The following IL1RAPL1 variants were observed in gnomAD, a reference collection of about 807,000 sequenced individuals.
IL1RAPL1 encodes the protein interleukin-1 receptor accessory protein-like 1.
A neutral mutation model predicts 48.4 loss-of-function variants in IL1RAPL1; 3 were observed. That is an observed-to-expected ratio of 0.06 (90% CI 0.03 to 0.16). The LOEUF (loss-of-function observed/expected upper bound fraction) is 0.16, where lower values mean the gene tolerates loss of function less well. IL1RAPL1 is among the 10% of genes least tolerant of loss of function. IL1RAPL1 has a pLI of 1.00. For synonymous variants in IL1RAPL1, 185 were observed against 187.7 expected, an observed-to-expected ratio of 0.99 and a Z score of 0.12; for missense variants, 349 against 530.6, an observed-to-expected ratio of 0.66 and a Z score of 3.36.
At chrX:29,190,356 A>T (rs1220518785) in intron 2 of IL1RAPL1, among the ~76,000 whole-genome samples, 1 of 111,853 alleles carries the variant, frequency 8.9e-6, no homozygotes, top group Non-Finnish European at 1.9e-5. Context: ...ATTAAGTTTC[A>T]TTGGTTGACT....
intron 3 of IL1RAPL1, among the ~76,000 whole-genome samples, chrX:29,341,026 A>G (rs1008497312): frequency 8.9e-6 from 1 of 112,324 alleles, no homozygotes; most frequent in African/African-American, 3.2e-5. Flanking sequence ...GAATATTCAA[A>G]TGTCCACTGA....
intron 8 of IL1RAPL1, among the ~76,000 whole-genome samples, chrX:29,926,039 C>T (rs1471368348): frequency 2.3e-4 from 25 of 108,199 alleles, no homozygotes; most frequent in African/African-American, 6.2e-4. Context: ...GACGGAGTCT[C>T]GCTCTATCGC....
At chrX:29,195,050 C>G in intron 2 of IL1RAPL1, among the ~76,000 whole-genome samples, 1 of 111,509 alleles carries the variant, frequency 9.0e-6, no homozygotes, top group African/African-American at 3.3e-5. Flanking sequence ...GTCCAGAACA[C>G]TTTCAGGGTA....
At chrX:29,234,974 G>T (rs962035236) in intron 2 of IL1RAPL1, among the ~76,000 whole-genome samples, 1 of 112,085 alleles carries the variant, frequency 8.9e-6, no homozygotes, top group Non-Finnish European at 1.9e-5. Context: ...TTATGAAGCT[G>T]GCACCCTTGT....
chrX:28,622,606 AAGC>A (rs1934296832), intron 1 of IL1RAPL1, among the ~76,000 whole-genome samples: 1 of 111,857 alleles, frequency 8.9e-6, no homozygotes, highest in South Asian at 3.7e-4. Flanking sequence ...AAAGTTCTAA[AAGC>A]AGCCATGGAA....
chrX:29,350,553 A>T (rs574681597), intron 3 of IL1RAPL1, among the ~76,000 whole-genome samples: 4 of 105,501 alleles, frequency 3.8e-5, no homozygotes, highest in African/African-American at 1.4e-4. Context: ...TGCATGTTCA[A>T]TTCATTGGTG....
chrX:29,770,018 T>G (rs1187237704), intron 6 of IL1RAPL1, among the ~76,000 whole-genome samples: 1 of 112,210 alleles, frequency 8.9e-6, no homozygotes, highest in Non-Finnish European at 1.9e-5. Flanking sequence ...CATATAGGAA[T>G]TTTTACTTCA....
chrX:29,319,364 A>ATTTTTTTTTTTTTTTTT lies in IL1RAPL1; in HGVS notation c.362+36151_362+36167dup, dbSNP rs762918998. On this transcript the variant is annotated intron_variant, in intron 3 of 10. Coordinates refer to ENST00000378993, the MANE Select transcript of IL1RAPL1 (RefSeq NM_014271.4). ...ACCCCACTGCATGTAGATAAATTTA[A>ATTTTTTTTTTTTTTTTT]TTTTTTTTTTTTTTTTTTTTGTAGA... 8.2e-3 allele frequency among the ~76,000 whole-genome samples: 479 copies of ATTTTTTTTTTTTTTTTT among 58,129 alleles called. 57 individuals carry two copies. The highest frequency in any genetic ancestry group is 0.014 in the African/African-American group (195 of 13,676). 50.5% of individuals were successfully genotyped at this position (58,129 alleles called of 115,157 possible). A position where few individuals can be genotyped will look rare whatever the true frequency, so the allele number is the denominator to read the frequency against.
At chrX:28,624,174 G>C (rs1299437961) in intron 1 of IL1RAPL1, among the ~76,000 whole-genome samples, 1 of 111,465 alleles carries the variant, frequency 9.0e-6, no homozygotes, top group Non-Finnish European at 1.9e-5. Context: ...AGTATGGTTA[G>C]AGATAAAATA....
In IL1RAPL1 at chrX:28,587,704, C is replaced by G. The variant is rs1452971414; in HGVS notation, c.-368C>G. On this transcript the variant is annotated 5_prime_UTR_variant, in exon 1 of 11. Transcript: ENST00000378993. ...TTATTTTCCCCTCTCTTTTTCTGCT[C>G]TCTCCTCTCTCAGTCTCTCCTTTTC... The G allele has an allele frequency of 9.1e-6, 1 of 109,317 alleles. No homozygotes were observed. Among genetic ancestry groups the G allele is most frequent in the African/African-American group, 3.3e-5 (1 of 30,051 alleles). 9.0% of individuals were successfully genotyped at this position (109,317 alleles called of 1,213,427 possible).
In IL1RAPL1 at chrX:29,145,113, T is replaced by TA. The variant is rs1454459061; in HGVS notation, c.83-137817dup. ...ATGTTGAGAGATACGGACATAATAATAAAAAAAACCTGAGCCGGATAATTG... is the reference window on the plus strand; with the variant it reads ...ATGTTGAGAGATACGGACATAATAATAAAAAAAAACCTGAGCCGGATAATTG... On this transcript the variant is annotated intron_variant, in intron 2 of 10. Transcript: ENST00000378993. Among the ~76,000 whole-genome samples the TA allele has an allele frequency of 2.1e-3, 236 of 111,258 alleles. 2 individuals are homozygous for TA. The Middle Eastern group carries it at 0.023, about 11-fold the overall frequency.
At chrX:28,812,202 C>A (rs1936800381) in intron 2 of IL1RAPL1, among the ~76,000 whole-genome samples, 1 of 110,454 alleles carries the variant, frequency 9.1e-6, no homozygotes, top group African/African-American at 3.3e-5. Context: ...TTTGTCCACA[C>A]AAAATGAAAC....
chrX:28,945,339 T>G (rs749282428), intron 2 of IL1RAPL1, among the ~76,000 whole-genome samples: 1 of 111,125 alleles, frequency 9.0e-6, no homozygotes, highest in Admixed American at 9.6e-5. Context: ...AGCAAAGACA[T>G]GGAACCAATC....
At chrX:29,720,545 T>G (rs1323715174) in intron 6 of IL1RAPL1, among the ~76,000 whole-genome samples, 51 of 109,086 alleles carry the variant, frequency 4.7e-4, no homozygotes, top group Non-Finnish European at 5.0e-4. Flanking sequence ...TAAGTGGGAG[T>G]TGAACAATGA....
chrX:28,663,519 C>T (rs1934843853), intron 1 of IL1RAPL1, among the ~76,000 whole-genome samples: 2 of 111,793 alleles, frequency 1.8e-5, no homozygotes, highest in South Asian at 3.7e-4. Context: ...ATTGGCATTG[C>T]GTTTTATGAA....
rs1438889606 is a variant in IL1RAPL1 at position 28,831,026 on chromosome X, C to CTCTCTCTCTCTCTCTG, written c.82+41602_82+41603insCTCTCTCTCTCTCTGT. Among the ~76,000 whole-genome samples, 23 of 33,641 alleles carry CTCTCTCTCTCTCTCTG rather than the reference C, an allele frequency of 6.8e-4. 1 individual carries two copies. The highest frequency in any genetic ancestry group is 9.4e-4 in the Admixed American group (2 of 2,131). The allele number at this position is 33,641 out of a possible 115,157, so 29.2% of individuals were successfully genotyped here. A position where few individuals can be genotyped will look rare whatever the true frequency, so the allele number is the denominator to read the frequency against. ...TCTCTCTCTCTCTCTCTCTCTCTCT[C>CTCTCTCTCTCTCTCTG]TGTGTGTGTGTGTGTGTGTGTGTGT... is the stretch of plus-strand genomic sequence containing the variant. On this transcript the variant is annotated intron_variant, in intron 2 of 10. Coordinates refer to ENST00000378993, the MANE Select transcript of IL1RAPL1 (RefSeq NM_014271.4).
At chrX:29,929,473 C>T (rs1229244355) in intron 8 of IL1RAPL1, among the ~76,000 whole-genome samples, 1 of 111,752 alleles carries the variant, frequency 8.9e-6, no homozygotes, top group East Asian at 2.8e-4. Context: ...TACAGATTCT[C>T]TGAGTTTTTA....
intron 1 of IL1RAPL1, among the ~76,000 whole-genome samples, chrX:28,756,160 T>C (rs1475308984): frequency 8.9e-6 from 1 of 111,962 alleles, no homozygotes; most frequent in Non-Finnish European, 1.9e-5. Flanking sequence ...TCTGTCTGTG[T>C]TCTCTCTTTT....
intron 2 of IL1RAPL1, among the ~76,000 whole-genome samples, chrX:29,118,694 C>T (rs755489122): frequency 9.0e-6 from 1 of 111,407 alleles, no homozygotes; most frequent in South Asian, 3.7e-4. Context: ...TTTATATAGT[C>T]TAGAACAATA....
Sources: gnomAD v4.1 joint callset for allele counts (sites outside exome capture counted in the v4.1 genomes callset) on GRCh38, gnomAD v4.1.1 for gene constraint, MANE v1.5 for transcripts, NCBI Gene and HGNC (gene_info 2026-07-23, HGNC 2026-07-21) for gene names.